The following MARCHF2 variants were observed in gnomAD, a reference collection of about 807,000 sequenced individuals.
MARCHF2 encodes membrane associated ring-CH-type finger 2, also known as E3 ubiquitin-protein ligase MARCHF2.
In MARCHF2, 22 loss-of-function variants were observed where a neutral mutation model predicts 24.0. The ratio of observed to expected loss-of-function variants is 0.92; its 90% CI spans 0.66 to 1.31. MARCHF2 has a LOEUF of 1.31. MARCHF2 is among the 50% of genes most tolerant of loss of function. The pLI, the probability that MARCHF2 is intolerant of heterozygous loss-of-function variation, is 0.00. For synonymous variants in MARCHF2, 154 were observed against 153.0 expected (o/e 1.01, Z -0.05); for missense variants, 301 against 335.3 (o/e 0.90, Z 0.80).
Position 8,415,736 on chromosome 19 carries a change from A to AAC in MARCHF2, c.-53+2317_-53+2318insCA, listed in dbSNP as rs1353432660. Among the ~76,000 whole-genome samples, 14 of 71,362 alleles carry AAC rather than the reference A, an allele frequency of 2.0e-4. No individual in the cohort carries two copies. In the East Asian group the frequency reaches 2.2e-3, roughly 11 times the overall value. The allele number at this position is 71,362 out of a possible 152,430, so 46.8% of individuals were successfully genotyped here. On this transcript the variant is annotated intron_variant, in intron 1 of 4. Transcript: ENST00000215555. ...AACTCCATCTCAAAAAAAAAAAAAC[A>AAC]AAAAAAACAAAAAAAAAAACCAGAC... is the stretch of plus-strand genomic sequence containing the variant.
At chr19:8,421,617 C>T (rs920328397) in intron 1 of MARCHF2, among the ~76,000 whole-genome samples, 172 bp from the exon 2 acceptor site, 1 of 152,130 alleles carries the variant, frequency 6.6e-6, no homozygotes, top group Non-Finnish European at 1.5e-5. Flanking sequence ...CATGCATCGT[C>T]TCCTTGAATC....
intron 4 of MARCHF2, among the ~76,000 whole-genome samples, chr19:8,437,298 G>A (rs1967751414): frequency 6.7e-6 from 1 of 149,006 alleles, no homozygotes; most frequent in African/African-American, 2.5e-5. Flanking sequence ...TTTTAGCACT[G>A]AATAAGATCT....
At chr19:8,429,455 A>G (rs1298505450) in intron 3 of MARCHF2, among the ~76,000 whole-genome samples, 1 of 150,288 alleles carries the variant, frequency 6.7e-6, no homozygotes, top group Non-Finnish European at 1.5e-5. Flanking sequence ...CTGTCTCTAC[A>G]AAAAAATCAA....
rs114113789 is a variant in MARCHF2 at position 8,434,371 on chromosome 19, A to G, written c.582+3504A>G. On this transcript the variant is annotated intron_variant, in intron 4 of 4. Transcript: ENST00000215555. ...AGTGCTGAGATTACAGGCATGAACCATCGCGCCCTGCCCCTACCAGCATAT... is the reference window on the plus strand; with the variant it reads ...AGTGCTGAGATTACAGGCATGAACCGTCGCGCCCTGCCCCTACCAGCATAT... Among the ~76,000 whole-genome samples the G allele has an allele frequency of 2.9e-3, 439 of 152,090 alleles. 3 individuals carry two copies. The highest frequency in any genetic ancestry group is 0.01 in the African/African-American group (428 of 41,530).
chr19:8,422,160 G>A (rs1967265723), intron 2 of MARCHF2, 144 bp downstream of exon 2: 4 of 870,592 alleles, frequency 4.6e-6, no homozygotes, highest in Admixed American at 3.5e-5. Flanking sequence ...AACAGTTATC[G>A]CCTTGTGGAA....
chr19:8,435,994 T>C (rs1967709855), intron 4 of MARCHF2, among the ~76,000 whole-genome samples: 1 of 152,056 alleles, frequency 6.6e-6, no homozygotes, highest in African/African-American at 2.4e-5. Flanking sequence ...GAGTAGCTAG[T>C]ATTACAGATG....
rs140644518 is a variant in MARCHF2 at position 8,417,255 on chromosome 19, C to G, written c.-53+3835C>G. Reference sequence around the variant, plus strand: ...GATCAGCAGTTGGAGACCAGCCTGGCCAACGTGGTGAAACCCTGTCTCTAC... The same window carrying G: ...GATCAGCAGTTGGAGACCAGCCTGGGCAACGTGGTGAAACCCTGTCTCTAC... On this transcript the variant is annotated intron_variant, in intron 1 of 4. Transcript: ENST00000215555. Among the ~76,000 whole-genome samples, 730 of 152,050 alleles carry G rather than the reference C, an allele frequency of 4.8e-3. 3 individuals carry two copies. Among genetic ancestry groups the G allele is most frequent in the Non-Finnish European group, 7.3e-3 (493 of 67,988 alleles).
intron 2 of MARCHF2, 68 bp downstream of exon 2, chr19:8,422,084 C>T (rs969589422): frequency 6.4e-5 from 96 of 1,511,136 alleles, no homozygotes; most frequent in Non-Finnish European, 8.3e-5. Context: ...TGAGTTTCTC[C>T]CAGCCTGGGG....
At chr19:8,437,670 CTT>C (rs1228476958) in intron 4 of MARCHF2, among the ~76,000 whole-genome samples, 3 of 143,098 alleles carry the variant, frequency 2.1e-5, no homozygotes, top group Non-Finnish European at 1.5e-5. Context: ...TATTGAGTGA[CTT>C]TTTTTTTTTT....
chr19:8,424,681 A>G (rs1189651305), intron 2 of MARCHF2, among the ~76,000 whole-genome samples: 1 of 151,904 alleles, frequency 6.6e-6, no homozygotes, highest in East Asian at 1.9e-4. Context: ...AAGAAAAAAA[A>G]AAATCTACCT....
rs1275679128 is a variant in MARCHF2, at chr19:8,415,730, AAAAACAAAAAAAAC to A, written c.-53+2315_-53+2328del. On this transcript the variant is annotated intron_variant, in intron 1 of 4. Transcript: ENST00000215555. ...GAGTGAAACTCCATCTCAAAAAAAAAAAAACAAAAAAAACAAAAAAAAAAACCAGACAAAAGAAA... is the reference window on the plus strand; with the variant it reads ...GAGTGAAACTCCATCTCAAAAAAAAAAAAAAAAAAAACCAGACAAAAGAAA... Among the ~76,000 whole-genome samples the A allele has an allele frequency of 2.7e-3, 246 of 90,582 alleles. 30 individuals are homozygous for A. The highest frequency in any genetic ancestry group is 0.022 in the Admixed American group (203 of 9,320). The allele number at this position is 90,582 out of a possible 152,430, so 59.4% of individuals were successfully genotyped here.
At position 8,426,795 on chromosome 19, in the gene MARCHF2, C is replaced by T. The variant is rs1279845794; in HGVS notation, c.363C>T (p.Pro121=). The change falls in exon 3 of 5, where the codon CCC becomes CCT. Residue 121 remains proline, a synonymous_variant. Transcript: ENST00000215555. ...TEFAVEKRPR[P]LTEWLKDPGP... is the part of the protein sequence containing the mutation. ...TTGCAGTGGAGAAACGGCCTCGACC[C>T]CTCACAGAGGTACCCTTAAGAGTCT... The T allele has an allele frequency of 2.5e-6, 4 of 1,611,984 alleles. No individual in the cohort carries two copies. Among genetic ancestry groups the T allele is most frequent in the Non-Finnish European group, 3.4e-6 (4 of 1,179,942 alleles).
chr19:8,429,894 C>T (rs533303790), intron 3 of MARCHF2, among the ~76,000 whole-genome samples: 7 of 148,690 alleles, frequency 4.7e-5, no homozygotes, highest in Admixed American at 1.4e-4. Context: ...AAAGACGCTT[C>T]GGCCCTGGAG....
chr19:8,421,388 T>C (rs11669780), intron 1 of MARCHF2, among the ~76,000 whole-genome samples: 1 of 145,230 alleles, frequency 6.9e-6, no homozygotes, highest in African/African-American at 2.5e-5. Context: ...TTTTCTTTTT[T>C]TTTTTTTTTT....
intron 3 of MARCHF2, among the ~76,000 whole-genome samples, chr19:8,428,649 C>CAAAAAAAAAAAAAAAAAAAAAAAAAA: frequency 3.3e-5 from 1 of 30,620 alleles, no homozygotes; most frequent in Non-Finnish European, 5.5e-5. Context: ...GACTCTATCT[C>CAAAAAAAAAAAAAAAAAAAAAAAAAA]AAAAAAAAAA....
At position 8,430,354 on chromosome 19, in the gene MARCHF2, C is replaced by G. The variant is rs1967544325; in HGVS notation, c.373-304C>G. Among the ~76,000 whole-genome samples, 1 of 150,748 alleles carries G rather than the reference C, an allele frequency of 6.6e-6. No individual in the cohort carries two copies. Among genetic ancestry groups the G allele is most frequent in the South Asian group, 2.1e-4 (1 of 4,760 alleles). ...CTCCAGCCTGGCTGACAGAGCGAGA[C>G]TCTGTCTCAAAAAATATATATACAT... On this transcript the variant is annotated intron_variant, in intron 3 of 4. Transcript: ENST00000215555. This position sits in a 1 kb window ranked among gnomAD's most constrained non-coding sequence, Gnocchi z 4.4.
At position 8,421,968 on chromosome 19, in the gene MARCHF2, G is replaced by C; in HGVS notation, c.128G>C (p.Arg43Thr). The change falls in exon 2 of 5, where the codon AGG becomes ACG. Residue 43 changes from arginine (R) to threonine (T), a missense_variant. Coordinates refer to ENST00000215555, the MANE Select transcript of MARCHF2 (RefSeq NM_001005415.2). ...CAGTATGTGGCACAGGTGACTTCAA[G>C]GGATGGCCGGCTCCTCTCCACCGTC... is the stretch of plus-strand genomic sequence containing the variant. ...PPQYVAQVTS[R>T]DGRLLSTVIR... The C allele has an allele frequency of 6.2e-7, 1 of 1,613,468 alleles. No individual in the cohort carries two copies. The highest frequency in any genetic ancestry group is 8.5e-7 in the Non-Finnish European group (1 of 1,179,794).
chr19:8,429,075 C>G (rs903725708), intron 3 of MARCHF2, among the ~76,000 whole-genome samples: 1 of 152,050 alleles, frequency 6.6e-6, no homozygotes, highest in East Asian at 1.9e-4. Context: ...AGCCACACAG[C>G]CCCCTCCCCA....
intron 1 of MARCHF2, among the ~76,000 whole-genome samples, chr19:8,420,346 CT>C (rs1260726751): frequency 7.1e-5 from 10 of 139,930 alleles, no homozygotes; most frequent in East Asian, 2.0e-4. Flanking sequence ...GAAACTCCAT[CT>C]TAAAAAAAAA....
Sources: gnomAD v4.1 joint callset for allele counts (sites outside exome capture counted in the v4.1 genomes callset) on GRCh38, gnomAD v4.1.1 for gene constraint, Gnocchi (gnomAD v3.1) non-coding constraint, MANE v1.5 for transcripts, NCBI Gene and HGNC (gene_info 2026-07-23, HGNC 2026-07-21) for gene names.